Variants in TNFRSF21 observed in about 807,000 individuals in gnomAD.
TNFRSF21 encodes the protein tumor necrosis factor receptor superfamily member 21.
A neutral mutation model predicts 45.6 loss-of-function variants in TNFRSF21; 19 were observed. The ratio of observed to expected loss-of-function variants is 0.42; its 90% CI spans 0.29 to 0.61. The LOEUF (loss-of-function observed/expected upper bound fraction) is 0.61, where lower values mean the gene tolerates loss of function less well. TNFRSF21 is among the 20% of genes least tolerant of loss of function. TNFRSF21 has a pLI of 0.23. For missense variants in TNFRSF21, 737 were observed against 851.5 expected (o/e 0.87, Z 1.67); for synonymous variants, 314 against 335.5 (o/e 0.94, Z 0.70).
intron 1 of TNFRSF21, among the ~76,000 whole-genome samples, chr6:47,288,434 C>T (rs114800612): frequency 0.025 from 3,752 of 152,088 alleles, 169 homozygotes; most frequent in African/African-American, 0.087. Flanking sequence ...GGCAACGCTC[C>T]GTAACTTGAT....
At chr6:47,280,964 T>C (rs1223777228) in intron 3 of TNFRSF21, among the ~76,000 whole-genome samples, 1 of 152,214 alleles carries the variant, frequency 6.6e-6, no homozygotes, top group Non-Finnish European at 1.5e-5. Context: ...CACATGGTTT[T>C]CTACTAATTG....
chr6:47,256,855 T>C (rs1206294754), intron 3 of TNFRSF21, among the ~76,000 whole-genome samples: 2 of 152,218 alleles, frequency 1.3e-5, no homozygotes, highest in African/African-American at 4.8e-5. Flanking sequence ...GTGTCTTACA[T>C]GAAAACATGA....
intron 4 of TNFRSF21, among the ~76,000 whole-genome samples, chr6:47,243,528 G>A (rs530720356): frequency 4.0e-5 from 6 of 151,680 alleles, no homozygotes; most frequent in Non-Finnish European, 5.9e-5. Context: ...ATTGATTTTC[G>A]TGCCTTAGCC....
intron 1 of TNFRSF21, among the ~76,000 whole-genome samples, chr6:47,300,375 T>A (rs190952339): frequency 1.2e-4 from 18 of 152,300 alleles, no homozygotes; most frequent in Admixed American, 6.5e-4. Context: ...AAAATTTCTA[T>A]CTAGTAATCC....
At chr6:47,297,510 C>CTTTTTTTTTTTTTT (rs55690288) in intron 1 of TNFRSF21, among the ~76,000 whole-genome samples, 80 of 117,448 alleles carry the variant, frequency 6.8e-4, no homozygotes, top group East Asian at 1.1e-3. Context: ...TCTCTTTTTA[C>CTTTTTTTTTTTTTT]TTTTTTTTTT....
Position 47,234,840 on chromosome 6 carries a change from A to C in TNFRSF21, c.1568T>G (p.Ile523Ser), listed in dbSNP as rs565493522. The change falls in exon 5 of 6, where the codon ATC becomes AGC. Residue 523 changes from isoleucine (I) to serine (S), a missense_variant. Ile to Ser is a moderately radical substitution (Grantham distance 142). Transcript: ENST00000296861. ...CTCAAGTTTCGCGTTGGGGCTGGGGATGGGGCTCGGGCTAAGCGGGCTGGG... is the reference window on the plus strand; with the variant it reads ...CTCAAGTTTCGCGTTGGGGCTGGGGCTGGGGCTCGGGCTAAGCGGGCTGGG... ...MSPSPLSPSP[I>S]PSPNAKLENS... 11 of 1,527,672 alleles carry C rather than the reference A, an allele frequency of 7.2e-6. No homozygotes were observed. Among genetic ancestry groups the C allele is most frequent in the Non-Finnish European group, 9.6e-6 (11 of 1,140,610 alleles). The allele number at this position is 1,527,672 out of a possible 1,614,324, so 94.6% of individuals were successfully genotyped here. A position where few individuals can be genotyped will look rare whatever the true frequency, so the allele number is the denominator to read the frequency against.
chr6:47,261,030 A>C (rs909507164), intron 3 of TNFRSF21, among the ~76,000 whole-genome samples: 2 of 152,188 alleles, frequency 1.3e-5, no homozygotes, highest in Admixed American at 1.3e-4. Flanking sequence ...AACACACAGC[A>C]GTCTCCTGAG....
rs191276801 is a variant in TNFRSF21, at chr6:47,264,303, G to A, written c.1244-10782C>T. Among the ~76,000 whole-genome samples the A allele has an allele frequency of 2.0e-3, 299 of 152,252 alleles. 1 individual carries two copies. The highest frequency in any genetic ancestry group is 6.0e-3 in the African/African-American group (249 of 41,530). The stretch of plus-strand genomic sequence containing the variant: ...AGCACTTTGGGAGGCCAAGGCAGGC[G>A]GATCATTTGAGGTCAGGAGTTTGAG... On this transcript the variant is annotated intron_variant, in intron 3 of 5. Coordinates refer to ENST00000296861, the MANE Select transcript of TNFRSF21 (RefSeq NM_014452.5).
intron 3 of TNFRSF21, among the ~76,000 whole-genome samples, chr6:47,274,626 A>G (rs1472836425): frequency 3.3e-5 from 5 of 152,214 alleles, no homozygotes; most frequent in Admixed American, 6.5e-5. Context: ...ACAAAAGCCA[A>G]AATTGACAAA....
intron 3 of TNFRSF21, among the ~76,000 whole-genome samples, chr6:47,274,865 G>A (rs1362359032): frequency 6.6e-6 from 1 of 152,180 alleles, no homozygotes; most frequent in Non-Finnish European, 1.5e-5. Flanking sequence ...AGACATCTAT[G>A]CAGCCAACAG....
intron 3 of TNFRSF21, among the ~76,000 whole-genome samples, chr6:47,256,434 G>A (rs963161448): frequency 2.0e-5 from 3 of 152,218 alleles, no homozygotes; most frequent in Non-Finnish European, 4.4e-5. Context: ...TGAGGTGGGA[G>A]GATTGCTTGA....
chr6:47,308,364 G>A (rs1762968191), intron 1 of TNFRSF21, among the ~76,000 whole-genome samples: 2 of 152,186 alleles, frequency 1.3e-5, no homozygotes, highest in South Asian at 4.1e-4. Context: ...GTGAAAACAA[G>A]CTCTTGTTTC....
chr6:47,237,301 T>A (rs1764675819), intron 4 of TNFRSF21, among the ~76,000 whole-genome samples: 1 of 152,104 alleles, frequency 6.6e-6, no homozygotes, highest in South Asian at 2.1e-4. Flanking sequence ...GAAAAAAAAA[T>A]GCTCATAGAA....
intron 4 of TNFRSF21, among the ~76,000 whole-genome samples, chr6:47,238,792 A>G (rs1020229943): frequency 6.6e-6 from 1 of 152,166 alleles, no homozygotes; most frequent in Admixed American, 6.5e-5. Context: ...GGGAATCTGA[A>G]CATCTCTGGG....
chr6:47,288,761 T>G (rs1762682922), intron 1 of TNFRSF21, among the ~76,000 whole-genome samples: 1 of 152,234 alleles, frequency 6.6e-6, no homozygotes, highest in African/African-American at 2.4e-5. Flanking sequence ...GGCCTGATTT[T>G]TTCAGACGCT....
chr6:47,268,757 G>A (rs537201279), intron 3 of TNFRSF21, among the ~76,000 whole-genome samples: 2 of 152,208 alleles, frequency 1.3e-5, no homozygotes, highest in South Asian at 2.1e-4. Flanking sequence ...GCTATCCAGG[G>A]AGAGACAGCA....
At chr6:47,250,647 A>G (rs1338220848) in intron 4 of TNFRSF21, among the ~76,000 whole-genome samples, 4 of 152,280 alleles carry the variant, frequency 2.6e-5, no homozygotes, top group East Asian at 1.9e-4. Flanking sequence ...TAAGAGTCCA[A>G]TAACTCCTGG....
chr6:47,292,206 G>C (rs1762738349), intron 1 of TNFRSF21, among the ~76,000 whole-genome samples: 1 of 152,084 alleles, frequency 6.6e-6, no homozygotes, highest in Non-Finnish European at 1.5e-5. Context: ...CCTGAATCAG[G>C]GGACACAGTC....
Position 47,284,180 on chromosome 6 carries a change from C to T in TNFRSF21, c.1001G>A (p.Gly334Glu). The T allele has an allele frequency of 1.9e-6, 3 of 1,614,198 alleles. No individual in the cohort carries two copies. Among genetic ancestry groups the T allele is most frequent in the Non-Finnish European group, 2.5e-6 (3 of 1,180,044 alleles). ...CTTGTGTAGGTTCTGTCTAGGATGT[C>T]CCCTCTTGGGGCCCTTGATGGGCGT... ...SSTPIKGPKR[G>E]HPRQNLHKHF... Residue 334 changes from glycine (G) to glutamate (E), a missense_variant, in exon 3 of 6, where the codon GGA becomes GAA. Transcript: ENST00000296861.
Sources: gnomAD v4.1 joint callset for allele counts (sites outside exome capture counted in the v4.1 genomes callset) on GRCh38, gnomAD v4.1.1 for gene constraint, MANE v1.5 for transcripts, NCBI Gene and HGNC (gene_info 2026-07-23, HGNC 2026-07-21) for gene names.